SOX5: variants seen among roughly 807,000 people sequenced by gnomAD.
SOX5 encodes the protein SRY-box transcription factor 5.
SOX5 carries 9 observed loss-of-function variants against 92.0 expected under a neutral mutation model. The ratio of observed to expected loss-of-function variants is 0.10; its 90% CI spans 0.06 to 0.17. The LOEUF (loss-of-function observed/expected upper bound fraction) is 0.17, where lower values mean the gene tolerates loss of function less well. Ranked by LOEUF, SOX5 falls within the 10% of genes least tolerant of loss-of-function variation. The pLI is 1.00. For synonymous variants in SOX5, 344 were observed against 336.3 expected, an observed-to-expected ratio of 1.02 and a Z score of -0.25; for missense variants, 642 against 944.5, an observed-to-expected ratio of 0.68 and a Z score of 4.20.
chr12:24,342,718 G>A (rs1952724127), intron 2 of SOX5, among the ~76,000 whole-genome samples: 1 of 152,012 alleles, frequency 6.6e-6, no homozygotes, highest in African/African-American at 2.4e-5. Flanking sequence ...CCCTGACTTT[G>A]GTCTTTCTAC....
At chr12:24,050,084 C>CAAAAAAAA (rs10687571) in intron 4 of SOX5, among the ~76,000 whole-genome samples, 1 of 74,234 alleles carries the variant, frequency 1.3e-5, no homozygotes, top group Admixed American at 2.0e-4. Context: ...GGCGCAGAGG[C>CAAAAAAAA]AAAAAAAAAA....
chr12:24,387,082 T>C (rs1160575037), intron 1 of SOX5, among the ~76,000 whole-genome samples: 1 of 152,204 alleles, frequency 6.6e-6, no homozygotes, highest in Non-Finnish European at 1.5e-5. Context: ...ATGTAGTAGA[T>C]ATAAAACATG....
At chr12:23,768,879 TAAAG>T (rs2094828318) in intron 3 of SOX5, among the ~76,000 whole-genome samples, 1 of 152,146 alleles carries the variant, frequency 6.6e-6, no homozygotes, top group East Asian at 1.9e-4. Context: ...GTTTCATTTC[TAAAG>T]AAAGAAACAA....
intron 1 of SOX5, among the ~76,000 whole-genome samples, chr12:24,514,334 T>C (rs1316629438): frequency 2.0e-5 from 3 of 152,180 alleles, no homozygotes; most frequent in Non-Finnish European, 2.9e-5. Flanking sequence ...AAGATTTGTA[T>C]GCATGCTTTT....
At chr12:23,771,103 A>T (rs2094919305) in intron 3 of SOX5, among the ~76,000 whole-genome samples, 1 of 151,514 alleles carries the variant, frequency 6.6e-6, no homozygotes, top group Non-Finnish European at 1.5e-5. Context: ...CTAATCAGGG[A>T]CTACCAAGTT....
intron 1 of SOX5, among the ~76,000 whole-genome samples, chr12:24,392,737 T>A (rs920565715): frequency 1.3e-5 from 2 of 152,138 alleles, no homozygotes; most frequent in African/African-American, 4.8e-5. Context: ...ATTAGTATAT[T>A]ACTGGCATTT....
chr12:23,868,735 C>G (rs1351504043), intron 2 of SOX5, among the ~76,000 whole-genome samples: 2 of 152,030 alleles, frequency 1.3e-5, no homozygotes, highest in African/African-American at 4.8e-5. Context: ...AACCATGGTT[C>G]AATTTTGCTC....
At chr12:24,421,165 G>T (rs781612660) in intron 1 of SOX5, among the ~76,000 whole-genome samples, 1 of 152,176 alleles carries the variant, frequency 6.6e-6, no homozygotes, top group Non-Finnish European at 1.5e-5. Flanking sequence ...AGAGAAAGAG[G>T]TGAGTCTGTG....
intron 4 of SOX5, among the ~76,000 whole-genome samples, chr12:24,032,884 A>AAT (rs1333621954): frequency 6.6e-6 from 1 of 151,926 alleles, no homozygotes; most frequent in Non-Finnish European, 1.5e-5. Context: ...ATTAGGATGA[A>AAT]ATATAGCAGG....
intron 4 of SOX5, among the ~76,000 whole-genome samples, chr12:23,967,866 G>A (rs1227770087): frequency 6.6e-6 from 1 of 152,052 alleles, no homozygotes; most frequent in African/African-American, 2.4e-5. Flanking sequence ...GTTTAATTTT[G>A]TTGCTAAGAA....
intron 3 of SOX5, among the ~76,000 whole-genome samples, chr12:24,249,818 G>A (rs1939661519): frequency 6.6e-6 from 1 of 152,034 alleles, no homozygotes; most frequent in Non-Finnish European, 1.5e-5. Context: ...CAAATTAAAT[G>A]GTCTTTTATA....
intron 8 of SOX5, among the ~76,000 whole-genome samples, chr12:23,608,049 T>C (rs559213332): frequency 1.4e-5 from 2 of 140,436 alleles, no homozygotes; most frequent in Admixed American, 1.6e-4. Context: ...ACAGGAGGAC[T>C]GCTTGAGCCT....
chr12:23,622,287 G>T (rs1393325414), intron 8 of SOX5, among the ~76,000 whole-genome samples: 1 of 150,588 alleles, frequency 6.6e-6, no homozygotes, highest in Admixed American at 6.7e-5. Flanking sequence ...AAATGATAAA[G>T]CTCTTAAGAT....
At chr12:24,246,150 CTTT>C (rs1001586184) in intron 3 of SOX5, among the ~76,000 whole-genome samples, 1 of 151,442 alleles carries the variant, frequency 6.6e-6, no homozygotes, top group African/African-American at 2.4e-5. Flanking sequence ...TCTTGTTGAA[CTTT>C]TTTTTTAAAT....
At chr12:23,743,448 T>C (rs985449391) in intron 4 of SOX5, among the ~76,000 whole-genome samples, 1 of 152,126 alleles carries the variant, frequency 6.6e-6, no homozygotes, top group Non-Finnish European at 1.5e-5. Context: ...TAGCTGGGAT[T>C]ACAGGCGCAT....
intron 4 of SOX5, among the ~76,000 whole-genome samples, chr12:24,116,556 G>A (rs1948022754): frequency 1.3e-5 from 2 of 152,094 alleles, no homozygotes; most frequent in South Asian, 4.1e-4. Context: ...TACTGCTGAT[G>A]TTATTGTGGA....
intron 3 of SOX5, among the ~76,000 whole-genome samples, chr12:23,818,665 A>C (rs560103826): frequency 1.3e-5 from 2 of 152,334 alleles, no homozygotes; most frequent in East Asian, 3.9e-4. Context: ...TAATTTTATA[A>C]TTAATTAAAT....
chr12:24,463,038 T>C (rs1199328522), intron 1 of SOX5, among the ~76,000 whole-genome samples: 1 of 152,068 alleles, frequency 6.6e-6, no homozygotes, highest in Non-Finnish European at 1.5e-5. Context: ...GGTAACACAG[T>C]GAGACTCTGT....
At chr12:24,020,710 C>A (rs1954185586) in intron 4 of SOX5, among the ~76,000 whole-genome samples, 1 of 152,142 alleles carries the variant, frequency 6.6e-6, no homozygotes. Context: ...AGACAAAGGT[C>A]AAATCACAGG....
Sources: allele counts gnomAD v4.1 joint callset (sites outside exome capture counted in the v4.1 genomes callset), GRCh38; gene constraint gnomAD v4.1.1; transcripts MANE v1.5; gene names NCBI Gene and HGNC (gene_info 2026-07-23, HGNC 2026-07-21).